The following FAM118B variants were observed in gnomAD, a reference collection of about 807,000 sequenced individuals.
FAM118B encodes the protein SIR2 antiphage like 1.
FAM118B carries 24 observed loss-of-function variants against 38.5 expected under a neutral mutation model. The ratio of observed to expected loss-of-function variants is 0.62; its 90% confidence interval spans 0.45 to 0.88. The LOEUF is 0.88. Among genes scored for constraint, FAM118B ranks in the 40% least tolerant of loss-of-function variants. The pLI is 0.00. For synonymous variants in FAM118B, 138 were observed against 156.3 expected (o/e 0.88, Z 0.87); for missense variants, 334 against 420.0 (o/e 0.80, Z 1.79).
intron 1 of FAM118B, among the ~76,000 whole-genome samples, chr11:126,223,390 A>G (rs1391541509): frequency 1.3e-5 from 2 of 151,920 alleles, no homozygotes; most frequent in African/African-American, 4.8e-5. Context: ...ACGAGTCAGG[A>G]GATCAAAACC....
At chr11:126,217,995 T>C (rs1172765297) in intron 1 of FAM118B, among the ~76,000 whole-genome samples, 1 of 152,246 alleles carries the variant, frequency 6.6e-6, no homozygotes, top group Non-Finnish European at 1.5e-5. Flanking sequence ...AGTTTTATGA[T>C]GTGTATTAAC....
At position 126,226,150 on chromosome 11, in the gene FAM118B, G is replaced by A. The variant is rs983015604; in HGVS notation, c.-76-3075G>A. 1.1e-3 allele frequency among the ~76,000 whole-genome samples: 160 copies of A among 144,800 alleles called. 1 individual carries two copies. Among genetic ancestry groups the A allele is most frequent in the Admixed American group, 1.3e-3 (19 of 14,464 alleles). 95.0% of individuals were successfully genotyped at this position (144,800 alleles called of 152,430 possible). ...GTTCCTATCACTGTGAGTTAGGCAGGCCAGAAAGGAACGTGGCGCAAGTTC... is the reference window on the plus strand; with the variant it reads ...GTTCCTATCACTGTGAGTTAGGCAGACCAGAAAGGAACGTGGCGCAAGTTC... On this transcript the variant is annotated intron_variant, in intron 1 of 8. Coordinates refer to ENST00000533050, the MANE Select transcript of FAM118B (RefSeq NM_024556.4).
At chr11:126,233,494 A>C in intron 2 of FAM118B, 1 of 237,342 alleles carries the variant, frequency 4.2e-6, no homozygotes, top group Non-Finnish European at 7.5e-6. Context: ...TCAAAAACAA[A>C]ACAAAACAAA....
Position 126,262,923 on chromosome 11 carries a change from A to G in FAM118B, c.*790A>G, listed in dbSNP as rs1950731966. On this transcript the variant is annotated 3_prime_UTR_variant, in exon 9 of 9. Coordinates refer to ENST00000533050, the MANE Select transcript of FAM118B (RefSeq NM_024556.4). ...TTGAATCCTGTATAAAAGAACTCCA[A>G]GACCTAAAAGGCAATTTATTTATGA... The G allele has an allele frequency of 2.0e-5, 3 of 152,798 alleles. No homozygotes were observed. In the South Asian group the frequency reaches 6.2e-4, roughly 32 times the overall value. 9.5% of individuals were successfully genotyped at this position (152,798 alleles called of 1,614,324 possible).
chr11:126,229,742 C>T (rs1348123186), intron 2 of FAM118B, among the ~76,000 whole-genome samples: 1 of 152,186 alleles, frequency 6.6e-6, no homozygotes, highest in East Asian at 1.9e-4. Context: ...TGTCCAGCCA[C>T]ATCTGAGCTC....
intron 1 of FAM118B, among the ~76,000 whole-genome samples, chr11:126,223,110 G>T (rs1038077655): frequency 2.0e-5 from 3 of 148,468 alleles, no homozygotes; most frequent in African/African-American, 7.4e-5. Context: ...GGGAGGGGGG[G>T]GTGTTCAAGC....
In FAM118B at chr11:126,211,824, A is replaced by T; in HGVS notation, c.-83A>T. ...CAGCTGGAGCAGTGGCGTTTGGAGGAGACTCGGTGAGTGTGTAGGGAAGCC... is the reference window on the plus strand; with the variant it reads ...CAGCTGGAGCAGTGGCGTTTGGAGGTGACTCGGTGAGTGTGTAGGGAAGCC... On this transcript the variant is annotated 5_prime_UTR_variant, in exon 1 of 9. Transcript: ENST00000533050. 2 of 626,618 alleles carry T rather than the reference A, an allele frequency of 3.2e-6. No homozygotes were observed. The highest frequency in any genetic ancestry group is 5.6e-5 in the East Asian group (2 of 35,840). The allele number at this position is 626,618 out of a possible 1,614,324, so 38.8% of individuals were successfully genotyped here. A position where few individuals can be genotyped will look rare whatever the true frequency, so the allele number is the denominator to read the frequency against.
chr11:126,211,810 G>C lies in FAM118B; in HGVS notation c.-97G>C, dbSNP rs1949881771. ...CCGGCCGGTAGCTGCAGCTGGAGCA[G>C]TGGCGTTTGGAGGAGACTCGGTGAG... On this transcript the variant is annotated 5_prime_UTR_variant, in exon 1 of 9. Transcript: ENST00000533050. 2 of 683,744 alleles carry C rather than the reference G, an allele frequency of 2.9e-6. No homozygotes were observed. The highest frequency in any genetic ancestry group is 1.8e-5 in the African/African-American group (1 of 55,388). 42.4% of individuals were successfully genotyped at this position (683,744 alleles called of 1,614,324 possible).
chr11:126,238,190 C>T (rs772282808), intron 3 of FAM118B, among the ~76,000 whole-genome samples: 20 of 151,794 alleles, frequency 1.3e-4, no homozygotes, highest in African/African-American at 1.5e-4. Context: ...GGTGAAACCC[C>T]GTCTCTACTA....
At position 126,244,923 on chromosome 11, in the gene FAM118B, A is replaced by G; in HGVS notation, c.339+3879A>G. The G allele has an allele frequency of 6.6e-6, 1 of 152,214 alleles. No individual in the cohort carries two copies. The highest frequency in any genetic ancestry group is 1.9e-4 in the East Asian group (1 of 5,202). 9.4% of individuals were successfully genotyped at this position (152,214 alleles called of 1,614,324 possible). Reference sequence around the variant, plus strand: ...ATGTTCCTGAATCAGAAGACTTAATATTATTAAGATGGAATACTCTGCAAA... The same window carrying G: ...ATGTTCCTGAATCAGAAGACTTAATGTTATTAAGATGGAATACTCTGCAAA... On this transcript the variant is annotated intron_variant, in intron 4 of 8. Coordinates refer to ENST00000533050, the MANE Select transcript of FAM118B (RefSeq NM_024556.4). The surrounding 1 kb of genome is among the most constrained non-coding windows in gnomAD (Gnocchi z 4.5).
intron 1 of FAM118B, among the ~76,000 whole-genome samples, chr11:126,222,702 C>A (rs190159978): frequency 6.6e-6 from 1 of 152,260 alleles, no homozygotes; most frequent in East Asian, 1.9e-4. Flanking sequence ...CTAATTTTTG[C>A]AGCTCAGAAA....
chr11:126,213,682 C>A (rs1234869674), intron 1 of FAM118B, among the ~76,000 whole-genome samples: 1 of 152,164 alleles, frequency 6.6e-6, no homozygotes, highest in Non-Finnish European at 1.5e-5. Flanking sequence ...GAGGCTGTTT[C>A]TACCCTAACC....
At chr11:126,222,345 TTGAACG>T (rs1239116364) in intron 1 of FAM118B, among the ~76,000 whole-genome samples, 1 of 152,250 alleles carries the variant, frequency 6.6e-6, no homozygotes, top group East Asian at 1.9e-4. Context: ...TAACAGATAT[TTGAACG>T]TGAAGATGTA....
At chr11:126,233,557 T>G (rs1195563959) in intron 2 of FAM118B, 8 of 322,904 alleles carry the variant, frequency 2.5e-5, no homozygotes, top group Non-Finnish European at 4.2e-5. Context: ...CTGAGATAAG[T>G]GACTCATCTG....
Position 126,254,290 on chromosome 11 carries a change from A to G in FAM118B, c.568-15A>G. 1 of 1,612,852 alleles carries G rather than the reference A, an allele frequency of 6.2e-7. No homozygotes were observed. The highest frequency in any genetic ancestry group is 1.1e-5 in the South Asian group (1 of 90,902). ...AGCCCTGCCAAGCTGGTTGGGCTAT[A>G]TGTGTGTTGTGCAGGTCCTCGAGTG... is the stretch of plus-strand genomic sequence containing the variant. On this transcript the variant is annotated splice_polypyrimidine_tract_variant and intron_variant, in intron 5 of 8. Transcript: ENST00000533050.
Position 126,252,503 on chromosome 11 carries a change from T to A in FAM118B, c.567+1770T>A, listed in dbSNP as rs1950518412. ...GCTCAGGCCTGTAACCCCAGCACTT[T>A]GGGAAGCTGAGGCGGGAGGATCACT... On this transcript the variant is annotated intron_variant, in intron 5 of 8. Transcript: ENST00000533050. The surrounding 1 kb of genome is among the most constrained non-coding windows in gnomAD (Gnocchi z 4.7). 6.6e-6 allele frequency among the ~76,000 whole-genome samples: 1 copy of A among 152,144 alleles called. No homozygotes were observed. Among genetic ancestry groups the A allele is most frequent in the East Asian group, 1.9e-4 (1 of 5,180 alleles).
At position 126,250,453 on chromosome 11, in the gene FAM118B, C is replaced by T. The variant is rs1950487066; in HGVS notation, c.340-53C>T. On this transcript the variant is annotated intron_variant, in intron 4 of 8. Coordinates refer to ENST00000533050, the MANE Select transcript of FAM118B (RefSeq NM_024556.4). This position sits in a 1 kb window ranked among gnomAD's most constrained non-coding sequence, Gnocchi z 5.1. ...TTTGTTACTGCTGTAACTAAAACAA[C>T]TGACCTACCAAAGCACTTTGGACTA... 3.1e-6 allele frequency: 4 copies of T among 1,277,022 alleles called. No homozygotes were observed. 79.1% of individuals were successfully genotyped at this position (1,277,022 alleles called of 1,614,324 possible).
Position 126,247,850 on chromosome 11 carries a change from T to C in FAM118B, c.340-2656T>C, listed in dbSNP as rs1257873334. On this transcript the variant is annotated intron_variant, in intron 4 of 8. Transcript: ENST00000533050. ...TCCAGCCTGGGTGACAGATCGAGAC[T>C]CCATCTCAAAAAAAAAATATATATA... Among the ~76,000 whole-genome samples, 5 of 135,310 alleles carry C rather than the reference T, an allele frequency of 3.7e-5. No individual in the cohort carries two copies. In the East Asian group the frequency reaches 1.1e-3, roughly 31 times the overall value. The allele number at this position is 135,310 out of a possible 152,430, so 88.8% of individuals were successfully genotyped here. A position where few individuals can be genotyped will look rare whatever the true frequency, so the allele number is the denominator to read the frequency against.
intron 7 of FAM118B, among the ~76,000 whole-genome samples, chr11:126,258,107 TAGG>T (rs1565341450): frequency 6.6e-6 from 1 of 152,180 alleles, no homozygotes. Context: ...GAATGCATCT[TAGG>T]AGGGCAAAAG....
Sources: gnomAD v4.1 joint callset for allele counts (sites outside exome capture counted in the v4.1 genomes callset) on GRCh38, gnomAD v4.1.1 for gene constraint, Gnocchi (gnomAD v3.1) non-coding constraint, MANE v1.5 for transcripts, NCBI Gene and HGNC (gene_info 2026-07-23, HGNC 2026-07-21) for gene names.